Variants in MGST1 observed in about 807,000 individuals in gnomAD.
The protein encoded by MGST1 is glutathione S-transferase 12.
Under a neutral mutation model 8.9 loss-of-function variants are expected in MGST1, and 5 were observed. That is an observed-to-expected ratio of 0.56 (90% CI 0.29 to 1.19). MGST1 has a LOEUF of 1.19. Among genes scored for constraint, MGST1 ranks in the 50% most tolerant of loss-of-function variants. The probability of loss-of-function intolerance (pLI) is 0.08; values close to 1 mark genes in which losing one functional copy is unlikely to be tolerated. For missense variants in MGST1, 182 were observed against 187.4 expected, an observed-to-expected ratio of 0.97 and a Z score of 0.17; for synonymous variants, 54 against 67.8, an observed-to-expected ratio of 0.80 and a Z score of 1.00.
chr12:16,574,216 T>C (rs139029347), intron 4 of MGST1, among the ~76,000 whole-genome samples: 8 of 152,190 alleles, frequency 5.3e-5, no homozygotes, highest in Non-Finnish European at 1.0e-4. Context: ...CTCGATCACA[T>C]TGATTTAAAT....
In MGST1 at chr12:16,537,819, A is replaced by T. The variant is rs1027847693; in HGVS notation, n.483-51709A>T. 6.6e-6 allele frequency among the ~76,000 whole-genome samples: 1 copy of T among 152,218 alleles called. No homozygotes were observed. The highest frequency in any genetic ancestry group is 6.5e-5 in the Admixed American group (1 of 15,288). On this transcript the variant is annotated intron_variant and non_coding_transcript_variant, in intron 4 of 4. Transcript: ENST00000538857. This position sits in a 1 kb window ranked among gnomAD's most constrained non-coding sequence, Gnocchi z 4.6. ...AGCATGGGGATCCTGGGCCCAGCCCAGGAAACCATTTTTTCCTCCTAGCCT... is the reference window on the plus strand; with the variant it reads ...AGCATGGGGATCCTGGGCCCAGCCCTGGAAACCATTTTTTCCTCCTAGCCT...
chr12:16,516,527 C>G (rs1316483667), intron 4 of MGST1, among the ~76,000 whole-genome samples: 1 of 152,160 alleles, frequency 6.6e-6, no homozygotes, highest in East Asian at 1.9e-4. Flanking sequence ...CTTAGTCTTT[C>G]AGACTTTCCA....
chr12:16,590,450 C>G (rs552670078), downstream of MGST1, among the ~76,000 whole-genome samples: 5 of 151,756 alleles, frequency 3.3e-5, no homozygotes, highest in Non-Finnish European at 7.4e-5. Context: ...TGTTTTGTAA[C>G]TATAAGATAA....
intron 4 of MGST1, among the ~76,000 whole-genome samples, chr12:16,457,992 A>AT (rs1293046401): frequency 6.6e-6 from 1 of 151,956 alleles, no homozygotes; most frequent in Non-Finnish European, 1.5e-5. Flanking sequence ...ATATCACTTA[A>AT]TTTTTCCCTA....
chr12:16,400,746 A>T, intron 1 of MGST1: 2 of 1,269,522 alleles, frequency 1.6e-6, no homozygotes, highest in Non-Finnish European at 1.2e-6. Flanking sequence ...CCTTCCACGG[A>T]CATACTTATA....
At chr12:16,588,452 A>G (rs993573546) in intron 4 of MGST1, among the ~76,000 whole-genome samples, 19 of 152,060 alleles carry the variant, frequency 1.2e-4, no homozygotes, top group Non-Finnish European at 2.9e-5. Context: ...ATTCTACTCT[A>G]TGGAATATTA....
At position 16,482,784 on chromosome 12, in the gene MGST1, C is replaced by T. The variant is rs1032494143; in HGVS notation, n.482+99180C>T. Reference sequence around the variant, plus strand: ...GGATTAGACTATCATGTCGGATACACCGAAATCAGAGACCTTACCCAGTGT... The same window carrying T: ...GGATTAGACTATCATGTCGGATACATCGAAATCAGAGACCTTACCCAGTGT... On this transcript the variant is annotated intron_variant and non_coding_transcript_variant, in intron 4 of 4. Coordinates refer to the MGST1 transcript ENST00000538857. The surrounding 1 kb of genome is among the most constrained non-coding windows in gnomAD (Gnocchi z 4.2). Among the ~76,000 whole-genome samples the T allele has an allele frequency of 1.3e-5, 2 of 152,132 alleles. No homozygotes were observed. The highest frequency in any genetic ancestry group is 4.8e-5 in the African/African-American group (2 of 41,434).
At chr12:16,382,168 C>G (rs986500904), downstream of MGST1, among the ~76,000 whole-genome samples, 3 of 152,168 alleles carry the variant, frequency 2.0e-5, no homozygotes, top group Admixed American at 1.3e-4. Flanking sequence ...CCGCTTTGTT[C>G]CGTTGCTGGT....
chr12:16,560,753 A>G lies in MGST1; in HGVS notation n.483-28775A>G, dbSNP rs1942372403. The stretch of plus-strand genomic sequence containing the variant: ...TGAAAATCACATCTTGTTTGAGAAG[A>G]AAAGGAAAAGACAAATACATTAGGA... On this transcript the variant is annotated intron_variant and non_coding_transcript_variant, in intron 4 of 4. Coordinates refer to the MGST1 transcript ENST00000538857. This position sits in a 1 kb window ranked among gnomAD's most constrained non-coding sequence, Gnocchi z 5.0. 1.7e-6 allele frequency: 1 copy of G among 583,988 alleles called. No individual in the cohort carries two copies. Among genetic ancestry groups the G allele is most frequent in the Non-Finnish European group, 3.1e-6 (1 of 322,246 alleles). 36.2% of individuals were successfully genotyped at this position (583,988 alleles called of 1,614,324 possible).
At chr12:16,374,660 G>C (rs899781344) in intron 3 of MGST1, among the ~76,000 whole-genome samples, 2 of 152,020 alleles carry the variant, frequency 1.3e-5, no homozygotes, top group African/African-American at 4.8e-5. Flanking sequence ...ATTTATTGAA[G>C]CACCATTTTT....
In MGST1 at chr12:16,513,844, G is replaced by T; in HGVS notation, n.483-75684G>T. The T allele has an allele frequency of 1.6e-6, 1 of 611,026 alleles. No homozygotes were observed. The allele number at this position is 611,026 out of a possible 1,614,324, so 37.9% of individuals were successfully genotyped here. A position where few individuals can be genotyped will look rare whatever the true frequency, so the allele number is the denominator to read the frequency against. ...AAGATTTCTTAAGTTCAGCCAAGAT[G>T]TCTTTCTGCCCAAACCAACCTGGGG... On this transcript the variant is annotated intron_variant and non_coding_transcript_variant, in intron 4 of 4. Transcript: ENST00000538857. This position sits in a 1 kb window ranked among gnomAD's most constrained non-coding sequence, Gnocchi z 4.2.
intron 4 of MGST1, among the ~76,000 whole-genome samples, chr12:16,474,241 G>A (rs1359872438): frequency 3.3e-5 from 5 of 152,146 alleles, no homozygotes; most frequent in African/African-American, 9.7e-5. Flanking sequence ...ATACCCAATA[G>A]CAAGAAGGCA....
At chr12:16,388,372 A>G (rs1325587410) in intron 1 of MGST1, among the ~76,000 whole-genome samples, 22 of 152,086 alleles carry the variant, frequency 1.4e-4, no homozygotes, top group Admixed American at 1.2e-3. Flanking sequence ...GTGGGGAGTG[A>G]ACGTGGAGGC....
At chr12:16,444,904 G>T (rs1941067278) in intron 4 of MGST1, among the ~76,000 whole-genome samples, 1 of 151,818 alleles carries the variant, frequency 6.6e-6, no homozygotes, top group Non-Finnish European at 1.5e-5. Flanking sequence ...ATGAGAAGCT[G>T]TTTTTCTAAG....
chr12:16,469,362 TA>T (rs555401809), intron 4 of MGST1, among the ~76,000 whole-genome samples: 1 of 152,068 alleles, frequency 6.6e-6, no homozygotes, highest in Non-Finnish European at 1.5e-5. Flanking sequence ...ATTTTTTTTG[TA>T]TTTTTAGTAG....
chr12:16,388,730 C>G (rs148587639), intron 1 of MGST1, among the ~76,000 whole-genome samples: 1 of 152,314 alleles, frequency 6.6e-6, no homozygotes, highest in East Asian at 1.9e-4. Flanking sequence ...CTTCAAGCGA[C>G]ACTGGCCTAG....
chr12:16,436,095 G>T (rs564119684), intron 1 of MGST1, among the ~76,000 whole-genome samples: 4 of 151,710 alleles, frequency 2.6e-5, no homozygotes, highest in Non-Finnish European at 5.9e-5. Context: ...TACAAACTCT[G>T]AGTTCCCAAA....
At chr12:16,493,619 T>C (rs898730454) in intron 4 of MGST1, among the ~76,000 whole-genome samples, 2 of 152,170 alleles carry the variant, frequency 1.3e-5, no homozygotes, top group Non-Finnish European at 2.9e-5. Flanking sequence ...AGAAGTATTT[T>C]GGTTAAGAAG....
At chr12:16,417,795 A>G (rs905776617) in intron 1 of MGST1, among the ~76,000 whole-genome samples, 1 of 152,218 alleles carries the variant, frequency 6.6e-6, no homozygotes, top group Non-Finnish European at 1.5e-5. Flanking sequence ...AGTTTCTACA[A>G]TATGGGTGAA....
Sources: allele counts gnomAD v4.1 joint callset (sites outside exome capture counted in the v4.1 genomes callset), GRCh38; gene constraint gnomAD v4.1.1; non-coding constraint Gnocchi (gnomAD v3.1); transcripts MANE v1.5; gene names NCBI Gene and HGNC (gene_info 2026-07-23, HGNC 2026-07-21).